Variants in PCDH11X observed in about 807,000 individuals in gnomAD.
PCDH11X encodes protocadherin-11 X-linked.
A neutral mutation model predicts 53.3 loss-of-function variants in PCDH11X; 18 were observed. That is an observed-to-expected ratio of 0.34 (90% CI 0.23 to 0.50). PCDH11X has a LOEUF of 0.50. Among genes scored for constraint, PCDH11X ranks in the 20% least tolerant of loss-of-function variants. PCDH11X has a pLI of 0.98. For missense variants in PCDH11X, 570 were observed against 1,032.4 expected, an observed-to-expected ratio of 0.55 and a Z score of 6.14; for synonymous variants, 279 against 393.3, an observed-to-expected ratio of 0.71 and a Z score of 3.44.
rs984206334 is a variant in PCDH11X, at chrX:92,370,907, G to T, written c.3145-16828G>T. Among the ~76,000 whole-genome samples the T allele has an allele frequency of 3.2e-4, 36 of 112,005 alleles. 1 individual carries two copies. Among genetic ancestry groups the T allele is most frequent in the African/African-American group, 1.2e-3 (36 of 30,822 alleles). ...TTAGAAGCTCTGATATGTAGTGCAT[G>T]TATGCTAATAATTATATATTTTTGG... On this transcript the variant is annotated intron_variant, in intron 8 of 10. Transcript: ENST00000682573.
At chrX:92,339,037 A>G (rs2069687800) in intron 8 of PCDH11X, among the ~76,000 whole-genome samples, 1 of 111,811 alleles carries the variant, frequency 8.9e-6, no homozygotes, top group African/African-American at 3.3e-5. Context: ...AGCTACAGTA[A>G]TGAAAACAGC....
At chrX:91,798,693 T>C (rs908221005) in intron 1 of PCDH11X, among the ~76,000 whole-genome samples, 8 of 111,098 alleles carry the variant, frequency 7.2e-5, no homozygotes, top group African/African-American at 2.6e-4. Flanking sequence ...TCTAGACAAA[T>C]AGAAATTTGT....
At chrX:92,064,493 A>AATAT (rs1386796712) in intron 6 of PCDH11X, among the ~76,000 whole-genome samples, 1 of 101,952 alleles carries the variant, frequency 9.8e-6, no homozygotes, top group African/African-American at 3.7e-5. Flanking sequence ...ATTAAAAATA[A>AATAT]ATAAATAAAT....
At chrX:91,936,544 TATATA>T (rs1025499923) in intron 6 of PCDH11X, among the ~76,000 whole-genome samples, 8 of 107,273 alleles carry the variant, frequency 7.5e-5, no homozygotes, top group East Asian at 2.9e-4. Context: ...TCAAAACATT[TATATA>T]ATATAATATA....
intron 6 of PCDH11X, among the ~76,000 whole-genome samples, chrX:91,971,735 G>C (rs1233761716): frequency 8.9e-6 from 1 of 111,784 alleles, no homozygotes; most frequent in African/African-American, 3.2e-5. Flanking sequence ...ATTTCCTCCA[G>C]TAGCTGATCT....
chrX:92,490,722 AAGAAAGAG>A (rs1248836954), intron 10 of PCDH11X, among the ~76,000 whole-genome samples: 2,732 of 94,952 alleles, frequency 0.029, 110 homozygotes, highest in African/African-American at 0.098. Context: ...GAAAGAAAGA[AAGAAAGAG>A]AGAAAGAGAG....
intron 10 of PCDH11X, among the ~76,000 whole-genome samples, chrX:92,601,812 G>A (rs1456682710): frequency 9.1e-6 from 1 of 109,873 alleles, no homozygotes; most frequent in Non-Finnish European, 1.9e-5. Flanking sequence ...TCCCTTCCAG[G>A]GTCATTCAAA....
chrX:91,892,012 G>GGT (rs367707799), intron 6 of PCDH11X, among the ~76,000 whole-genome samples: 21,571 of 82,788 alleles, frequency 0.26, 2,423 homozygotes, highest in African/African-American at 0.34. Flanking sequence ...TAATTAGAGG[G>GGT]GTGTGTGTGT....
At position 92,460,431 on chromosome X, in the gene PCDH11X, C is replaced by T. The variant is rs1274401816; in HGVS notation, c.3344-7868C>T. 5 of 822,198 alleles carry T rather than the reference C, an allele frequency of 6.1e-6. No homozygotes were observed. In the East Asian group the frequency reaches 1.2e-4, roughly 21 times the overall value. 67.8% of individuals were successfully genotyped at this position (822,198 alleles called of 1,213,427 possible). A position where few individuals can be genotyped will look rare whatever the true frequency, so the allele number is the denominator to read the frequency against. ...TGGCAGACATCCGGGCCCAATATGA[C>T]GACCTGGCTGGGAAGAACCGAGAGG... On this transcript the variant is annotated intron_variant, in intron 9 of 10. Transcript: ENST00000682573.
chrX:92,333,753 TA>T (rs1466523576), intron 8 of PCDH11X, among the ~76,000 whole-genome samples: 1 of 110,273 alleles, frequency 9.1e-6, no homozygotes, highest in East Asian at 2.8e-4. Flanking sequence ...TCATCTATGA[TA>T]TTTTTGGAAA....
At chrX:92,378,081 G>T (rs1308252533) in intron 8 of PCDH11X, among the ~76,000 whole-genome samples, 1 of 103,798 alleles carries the variant, frequency 9.6e-6, no homozygotes. Context: ...CTACAAAGAG[G>T]GTATATGAGC....
chrX:92,112,499 C>G (rs2064540967), intron 6 of PCDH11X, among the ~76,000 whole-genome samples: 2 of 109,880 alleles, frequency 1.8e-5, no homozygotes, highest in African/African-American at 6.8e-5. Flanking sequence ...ATAATTGCTA[C>G]CTACTGTCAT....
chrX:91,799,235 T>G (rs1242070132), intron 1 of PCDH11X, among the ~76,000 whole-genome samples: 2 of 110,945 alleles, frequency 1.8e-5, no homozygotes, highest in African/African-American at 6.5e-5. Context: ...ACACAAATCT[T>G]TTTTTTCACT....
chrX:92,236,383 A>G (rs753814978), intron 7 of PCDH11X, among the ~76,000 whole-genome samples: 1 of 111,860 alleles, frequency 8.9e-6, no homozygotes, highest in African/African-American at 3.2e-5. Flanking sequence ...ACACAAAACT[A>G]GATCTTAATT....
At chrX:91,795,464 T>G (rs1047717334) in intron 1 of PCDH11X, among the ~76,000 whole-genome samples, 1 of 110,896 alleles carries the variant, frequency 9.0e-6, no homozygotes, top group Non-Finnish European at 1.9e-5. Context: ...AATAGTCCAG[T>G]GTTAAAACTA....
At chrX:91,856,056 G>T (rs764383962) in intron 5 of PCDH11X, among the ~76,000 whole-genome samples, 1 of 94,490 alleles carries the variant, frequency 1.1e-5, no homozygotes, top group Non-Finnish European at 2.1e-5. Context: ...GTGGTGACAG[G>T]GGGCATCCTT....
Position 91,824,146 on chromosome X carries a change from A to C in PCDH11X, c.-44-11315A>C, listed in dbSNP as rs756373522. ...TTCAACTTTGATGAATCTGACAATT[A>C]TGTGTCTTGGAGTTGCTCTTCTCGA... On this transcript the variant is annotated intron_variant, in intron 4 of 10. Transcript: ENST00000682573. 1.0e-2 allele frequency among the ~76,000 whole-genome samples: 1,107 copies of C among 110,718 alleles called. 16 individuals are homozygous for C. Among genetic ancestry groups the C allele is most frequent in the African/African-American group, 0.034 (1,034 of 30,349 alleles).
Position 91,806,174 on chromosome X carries a change from A to AT in PCDH11X, c.-378-3285dup, listed in dbSNP as rs762310341. 6.5e-4 allele frequency among the ~76,000 whole-genome samples: 74 copies of AT among 113,866 alleles called. 1 individual carries two copies. The South Asian group carries it at 0.024, about 37-fold the overall frequency. ...TTTTGAAAATTGGCAAGAAATACTCATTTTTTTCCTGTCTTGAGGTATGCC... is the reference window on the plus strand; with the variant it reads ...TTTTGAAAATTGGCAAGAAATACTCATTTTTTTTCCTGTCTTGAGGTATGCC... On this transcript the variant is annotated intron_variant, in intron 1 of 10. Coordinates refer to ENST00000682573, the MANE Select transcript of PCDH11X (RefSeq NM_032968.5).
chrX:92,301,646 T>TTTTTG (rs200383063), intron 8 of PCDH11X, among the ~76,000 whole-genome samples: 14,819 of 104,968 alleles, frequency 0.14, 1,593 homozygotes, highest in African/African-American at 0.3. Flanking sequence ...ACTTTTTTGT[T>TTTTTG]TTTTGTTTTG....
Sources: allele counts gnomAD v4.1 joint callset (sites outside exome capture counted in the v4.1 genomes callset), GRCh38; gene constraint gnomAD v4.1.1; transcripts MANE v1.5; gene names NCBI Gene and HGNC (gene_info 2026-07-23, HGNC 2026-07-21).